Variants in ERO1A observed in about 807,000 individuals in gnomAD.
ERO1A encodes endoplasmic reticulum oxidoreductase 1 alpha, also known as ERO1-like protein alpha.
In ERO1A, 49 loss-of-function variants were observed where a neutral mutation model predicts 76.9. The ratio of observed to expected loss-of-function variants is 0.64; its 90% CI spans 0.51 to 0.81. ERO1A has a LOEUF of 0.81. ERO1A is among the 30% of genes least tolerant of loss of function. ERO1A has a pLI of 0.00. For missense variants in ERO1A, 448 were observed against 542.1 expected (o/e 0.83, Z 1.72); for synonymous variants, 174 against 181.2 (o/e 0.96, Z 0.32).
intron 15 of ERO1A, among the ~76,000 whole-genome samples, chr14:52,645,139 A>G (rs2039602510): frequency 6.6e-6 from 1 of 152,142 alleles, no homozygotes; most frequent in South Asian, 2.1e-4. Flanking sequence ...AAAGAGATTT[A>G]CATGTACACC....
At chr14:52,678,346 A>G in intron 4 of ERO1A, 88 bp downstream of exon 4, 1 of 962,820 alleles carries the variant, frequency 1.0e-6, no homozygotes, top group Non-Finnish European at 1.6e-6. Context: ...CACTGGAAGC[A>G]GATAAATGGG....
At chr14:52,667,345 A>G (rs1320623800) in intron 6 of ERO1A, among the ~76,000 whole-genome samples, 1 of 152,214 alleles carries the variant, frequency 6.6e-6, no homozygotes, top group African/African-American at 2.4e-5. Context: ...TGGGCTCTGG[A>G]GCCAGAACAC....
chr14:52,653,184 C>G lies in ERO1A; in HGVS notation c.940G>C (p.Ala314Pro), dbSNP rs758763441. The change falls in exon 12 of 16, where the codon GCT becomes CCT. Residue 314 changes from alanine to proline, a missense_variant. Physicochemically the swap from Ala to Pro is conservative, Grantham distance 27. Around this residue, in one of 2 missense-constraint regions of ERO1A, gnomAD observed 302 missense variants for 411.9 expected, o/e 0.73. Transcript: ENST00000395686. ...LYFLYLIELR[A>P]LSKVLPFFER... is the part of the protein sequence containing the mutation. Reference sequence around the variant, plus strand: ...AAGAATGGTAACACTTTGGATAAAGCCCTTAGTTCTATTAAGTAGAGAAAA... The same window carrying G: ...AAGAATGGTAACACTTTGGATAAAGGCCTTAGTTCTATTAAGTAGAGAAAA... The G allele has an allele frequency of 2.5e-6, 4 of 1,613,620 alleles. No individual in the cohort carries two copies. The highest frequency in any genetic ancestry group is 3.4e-6 in the Non-Finnish European group (4 of 1,179,790).
chr14:52,684,150 C>CACACACACACAGAG (rs879218530), intron 1 of ERO1A, among the ~76,000 whole-genome samples: 9 of 139,278 alleles, frequency 6.5e-5, no homozygotes, highest in South Asian at 2.3e-4. Context: ...CACACACACA[C>CACACACACACAGAG]AGAGAGAGTT....
At chr14:52,657,252 C>T (rs1304556121) in intron 11 of ERO1A, among the ~76,000 whole-genome samples, 2 of 152,178 alleles carry the variant, frequency 1.3e-5, no homozygotes, top group Non-Finnish European at 2.9e-5. Flanking sequence ...ACTCTGGGCA[C>T]ACTGCCTATG....
intron 8 of ERO1A, 111 bp downstream of exon 8, chr14:52,663,690 C>T: frequency 1.5e-6 from 1 of 665,428 alleles, no homozygotes; most frequent in South Asian, 1.8e-5. Context: ...GGAAACAGGA[C>T]TGTGGATTAT....
At chr14:52,658,918 T>TA (rs1018045793) in intron 9 of ERO1A, among the ~76,000 whole-genome samples, 3 of 152,190 alleles carry the variant, frequency 2.0e-5, no homozygotes, top group African/African-American at 7.2e-5. Flanking sequence ...ACAGAGATGA[T>TA]AAACACTGTA....
At chr14:52,678,613 A>G in intron 3 of ERO1A, 141 bp from the exon 4 acceptor site, 1 of 648,724 alleles carries the variant, frequency 1.5e-6, no homozygotes, top group Non-Finnish European at 2.6e-6. Flanking sequence ...TAGTATTCAT[A>G]TGATTGCTTA....
In ERO1A at chr14:52,684,150, C is replaced by CACACACACACACACAG. The variant is rs879218530; in HGVS notation, c.115-244_115-243insCTGTGTGTGTGTGTGT. 1.4e-4 allele frequency among the ~76,000 whole-genome samples: 19 copies of CACACACACACACACAG among 139,390 alleles called. No homozygotes were observed. In the South Asian group the frequency reaches 2.5e-3, roughly 19 times the overall value. The allele number at this position is 139,390 out of a possible 152,430, so 91.4% of individuals were successfully genotyped here. A position where few individuals can be genotyped will look rare whatever the true frequency, so the allele number is the denominator to read the frequency against. ...ACACACACACACACACACACACACA[C>CACACACACACACACAG]AGAGAGAGTTGGCCCCCTGGCAACC... On this transcript the variant is annotated intron_variant, in intron 1 of 15. Transcript: ENST00000395686.
intron 11 of ERO1A, among the ~76,000 whole-genome samples, chr14:52,654,901 G>T (rs1202252331): frequency 6.6e-6 from 1 of 152,228 alleles, no homozygotes; most frequent in South Asian, 2.1e-4. Flanking sequence ...TGTAGGTTTT[G>T]ATGAGAAAGT....
At chr14:52,690,764 T>C (rs2041328465) in intron 1 of ERO1A, among the ~76,000 whole-genome samples, 1 of 152,206 alleles carries the variant, frequency 6.6e-6, no homozygotes, top group Non-Finnish European at 1.5e-5. Flanking sequence ...ACCTTAAATA[T>C]ATGCATTTCT....
At chr14:52,694,869 T>C (rs1038097655) in intron 1 of ERO1A, among the ~76,000 whole-genome samples, 1 of 152,080 alleles carries the variant, frequency 6.6e-6, no homozygotes, top group Non-Finnish European at 1.5e-5. Context: ...TAGTTGGGCT[T>C]ACACACAGAA....
In ERO1A at chr14:52,673,795, T is replaced by C. The variant is rs566004628; in HGVS notation, c.358-1924A>G. Among the ~76,000 whole-genome samples, 14 of 152,260 alleles carry C rather than the reference T, an allele frequency of 9.2e-5. No homozygotes were observed. The East Asian group carries it at 2.7e-3, about 29-fold the overall frequency. On this transcript the variant is annotated intron_variant, in intron 4 of 15. Coordinates refer to ENST00000395686, the MANE Select transcript of ERO1A (RefSeq NM_014584.3). ...TTCTGTCACCCAAGCTTAAGTGCAG[T>C]GGCACAGACTTGGCTCATTGCAATC...
At chr14:52,663,029 G>T (rs1442867308) in intron 8 of ERO1A, among the ~76,000 whole-genome samples, 1 of 152,090 alleles carries the variant, frequency 6.6e-6, no homozygotes, top group Non-Finnish European at 1.5e-5. Flanking sequence ...CAAGGACCAG[G>T]GAAAGTTTTA....
chr14:52,645,831 G>A (rs377101386), intron 15 of ERO1A, among the ~76,000 whole-genome samples: 3 of 142,402 alleles, frequency 2.1e-5, no homozygotes, highest in Admixed American at 7.3e-5. Flanking sequence ...TGGTGAAACC[G>A]TGTTTCTACT....
intron 13 of ERO1A, among the ~76,000 whole-genome samples, chr14:52,649,242 T>C (rs575139849): frequency 9.2e-5 from 14 of 152,272 alleles, no homozygotes; most frequent in South Asian, 4.1e-4. Context: ...TCTCAAATAC[T>C]TTACAAGTCT....
chr14:52,648,849 AAATAAACATTGT>A (rs905308740), intron 13 of ERO1A, among the ~76,000 whole-genome samples: 2 of 152,198 alleles, frequency 1.3e-5, no homozygotes, highest in Non-Finnish European at 2.9e-5. Flanking sequence ...TACAATAGCC[AAATAAACATTGT>A]AAAATTAAAA....
At chr14:52,682,247 T>G in intron 3 of ERO1A, 78 bp downstream of exon 3, 1 of 1,186,250 alleles carries the variant, frequency 8.4e-7, no homozygotes, top group Non-Finnish European at 1.2e-6. Context: ...AAAAAAAAAT[T>G]CTTAAATAAA....
At chr14:52,670,856 T>TA (rs1594828861) in intron 6 of ERO1A, among the ~76,000 whole-genome samples, 1 of 150,256 alleles carries the variant, frequency 6.7e-6, no homozygotes, top group East Asian at 1.9e-4. Context: ...AAAATTGATA[T>TA]AATAAAATTT....
Sources: gnomAD v4.1 joint callset for allele counts (sites outside exome capture counted in the v4.1 genomes callset) on GRCh38, gnomAD v4.1.1 for gene constraint, gnomAD v4.1.1 regional missense constraint, MANE v1.5 for transcripts, NCBI Gene and HGNC (gene_info 2026-07-23, HGNC 2026-07-21) for gene names.